The following REV3L variants were observed in gnomAD, a reference collection of about 807,000 sequenced individuals.
REV3L encodes REV3 like, DNA directed polymerase zeta catalytic subunit.
Under a neutral mutation model 299.4 loss-of-function variants are expected in REV3L, and 69 were observed. The ratio of observed to expected loss-of-function variants is 0.23; its 90% CI spans 0.19 to 0.28. The LOEUF (loss-of-function observed/expected upper bound fraction) is 0.28. Among genes scored for constraint, REV3L ranks in the 10% least tolerant of loss-of-function variants. The pLI is 1.00. For missense variants in REV3L, 3,128 were observed against 3,693.8 expected (o/e 0.85, Z 3.97); for synonymous variants, 1,238 against 1,271.4 (o/e 0.97, Z 0.56).
In REV3L at chr6:111,322,970, G is replaced by T. The variant is rs75555881; in HGVS notation, c.8242-292C>A. Among the ~76,000 whole-genome samples the T allele has an allele frequency of 4.6e-3, 691 of 151,606 alleles. 3 individuals carry two copies. Among genetic ancestry groups the T allele is most frequent in the African/African-American group, 0.016 (647 of 41,380 alleles). On this transcript the variant is annotated intron_variant, in intron 25 of 31. Coordinates refer to ENST00000368802, the MANE Select transcript of REV3L (RefSeq NM_001372078.1). The stretch of plus-strand genomic sequence containing the variant: ...ACTCAGCTACGTTGGATTCTTGGAA[G>T]AATAATCCTTCTTTATTCAAGAACT...
chr6:111,410,123 G>A (rs1407285166), intron 3 of REV3L, among the ~76,000 whole-genome samples: 1 of 152,108 alleles, frequency 6.6e-6, no homozygotes, highest in Non-Finnish European at 1.5e-5. Context: ...GAAGATCACT[G>A]GAGCCCAGGA....
At chr6:111,331,292 A>G (rs1490761937) in intron 24 of REV3L, among the ~76,000 whole-genome samples, 3 of 152,092 alleles carry the variant, frequency 2.0e-5, no homozygotes, top group African/African-American at 2.4e-5. Context: ...AAAATAATGT[A>G]GAAGAACAAC....
Position 111,373,732 on chromosome 6 carries a change from T to A in REV3L, c.4623A>T (p.Ala1541=). 6.2e-7 allele frequency: 1 copy of A among 1,613,948 alleles called. No individual in the cohort carries two copies. The highest frequency in any genetic ancestry group is 8.5e-7 in the Non-Finnish European group (1 of 1,179,972). The change falls in exon 13 of 32, where the codon GCA becomes GCT. Residue 1541 remains alanine, a synonymous_variant. Transcript: ENST00000368802. ...KELLQKRQQK[A]QNANTTQDPL... ...GGTCTTGTGTAGTATTTGCATTTTG[T>A]GCTTTCTGCTGTCTTTTTTGTAACA...
At chr6:111,476,003 C>T (rs1308828443) in intron 1 of REV3L, among the ~76,000 whole-genome samples, 1 of 152,186 alleles carries the variant, frequency 6.6e-6, no homozygotes, top group East Asian at 1.9e-4. Flanking sequence ...GATCCATTTT[C>T]ATATACAAGT....
At chr6:111,380,285 GCT>G (rs1354285282) in intron 10 of REV3L, 66 bp from the exon 11 acceptor site, 6 of 1,171,326 alleles carry the variant, frequency 5.1e-6, no homozygotes, top group Admixed American at 3.9e-5. Flanking sequence ...ACGGAGTCTT[GCT>G]CTCTCACCCA....
chr6:111,371,361 G>A (rs561110974), intron 13 of REV3L, among the ~76,000 whole-genome samples: 69 of 152,068 alleles, frequency 4.5e-4, no homozygotes, highest in Admixed American at 3.3e-3. Flanking sequence ...GTGTGTGTGC[G>A]TGCGCTCACA....
At position 111,376,485 on chromosome 6, in the gene REV3L, A is replaced by C. The variant is rs145125814; in HGVS notation, c.1870T>G (p.Ser624Ala). Reference sequence around the variant, plus strand: ...CTTAAAGATCCAGGGTATTTCATAGAATAAGTGCTTTCGTTTGTAAAAGAA... The same window carrying C: ...CTTAAAGATCCAGGGTATTTCATAGCATAAGTGCTTTCGTTTGTAAAAGAA... The part of the protein sequence containing the change: ...VTSFTNESTY[S>A]MKYPGSLSST... The change falls in exon 13 of 32, where the codon TCT becomes GCT. Residue 624 changes from serine to alanine, a missense_variant. By Grantham distance (99) the Ser-to-Ala change is moderately conservative. Transcript: ENST00000368802. The C allele has an allele frequency of 6.0e-4, 975 of 1,613,530 alleles. 10 individuals carry two copies. The highest frequency in any genetic ancestry group is 6.4e-5 in the Non-Finnish European group (75 of 1,179,834).
intron 1 of REV3L, among the ~76,000 whole-genome samples, chr6:111,427,655 A>G (rs189462221): frequency 3.3e-4 from 51 of 152,320 alleles, no homozygotes; most frequent in African/African-American, 1.2e-3. Context: ...GCATGCAGAA[A>G]ACTTTCCCAA....
chr6:111,413,595 G>A (rs1178506438), intron 2 of REV3L, among the ~76,000 whole-genome samples: 1 of 152,028 alleles, frequency 6.6e-6, no homozygotes, highest in Non-Finnish European at 1.5e-5. Context: ...GTAGCTAGAT[G>A]CAACTTTATG....
rs759424601 is a variant in REV3L at position 111,374,271 on chromosome 6, A to G, written c.4084T>C (p.Ser1362Pro). Reference protein sequence around the residue: ...TLIQKNIFDLSNHLSQVAQNT... With the variant: ...TLIQKNIFDLPNHLSQVAQNT... ...TGTGCTACCTGAGATAAATGATTGGAAAGGTCAAATATATTTTTTTGAATT... is the reference window on the plus strand; with the variant it reads ...TGTGCTACCTGAGATAAATGATTGGGAAGGTCAAATATATTTTTTTGAATT... The change falls in exon 13 of 32, where the codon TCC (serine) becomes CCC (proline). Residue 1362 changes from serine (S) to proline (P), a missense_variant. Physicochemically the swap from Ser to Pro is moderately conservative, Grantham distance 74. Transcript: ENST00000368802. 6.2e-7 allele frequency: 1 copy of G among 1,613,634 alleles called. No individual in the cohort carries two copies. The highest frequency in any genetic ancestry group is 1.1e-5 in the South Asian group (1 of 91,042).
At chr6:111,439,788 C>A (rs1031859044) in intron 1 of REV3L, among the ~76,000 whole-genome samples, 1 of 152,098 alleles carries the variant, frequency 6.6e-6, no homozygotes, top group South Asian at 2.1e-4. Context: ...AGGCAAAAAC[C>A]AATACATCTG....
chr6:111,369,940 G>A (rs969988014), intron 13 of REV3L, among the ~76,000 whole-genome samples: 15 of 151,716 alleles, frequency 9.9e-5, no homozygotes, highest in African/African-American at 2.9e-4. Context: ...TGGTTCAAGT[G>A]ATTCTCCTGC....
intron 11 of REV3L, 148 bp from the exon 12 acceptor site, chr6:111,377,991 A>T: frequency 3.4e-6 from 2 of 596,400 alleles, no homozygotes; most frequent in Non-Finnish European, 5.3e-6. Context: ...AACAATACAA[A>T]AAATCTGAAA....
intron 1 of REV3L, among the ~76,000 whole-genome samples, chr6:111,474,862 C>T (rs1260485357): frequency 6.6e-6 from 1 of 151,902 alleles, no homozygotes; most frequent in African/African-American, 2.4e-5. Context: ...AATTACCAAA[C>T]AGTATACTTT....
At chr6:111,327,913 A>G (rs1266849439) in intron 25 of REV3L, among the ~76,000 whole-genome samples, 2 of 152,150 alleles carry the variant, frequency 1.3e-5, no homozygotes, top group Non-Finnish European at 2.9e-5. Flanking sequence ...CATTTTGCCT[A>G]CTGTGAGCTG....
intron 1 of REV3L, among the ~76,000 whole-genome samples, chr6:111,439,957 T>G (rs1788052911): frequency 6.6e-6 from 1 of 152,194 alleles, no homozygotes; most frequent in Non-Finnish European, 1.5e-5. Flanking sequence ...CTCTTGCCAG[T>G]GGACTATGAT....
rs778731155 is a variant in REV3L at position 111,329,550 on chromosome 6, C to G, written c.8223G>C (p.Gly2741=). 3.1e-6 allele frequency: 5 copies of G among 1,613,926 alleles called. No individual in the cohort carries two copies. Among genetic ancestry groups the G allele is most frequent in the Non-Finnish European group, 4.2e-6 (5 of 1,180,000 alleles). Residue 2741 remains glycine (G), a synonymous_variant, in exon 25 of 32, where the codon GGG becomes GGC. Transcript: ENST00000368802. ...CACTTACCTCAATGCATGGCATTCTCCCAGAAAAATTAGCAGATGTATAGC... is the reference window on the plus strand; with the variant it reads ...CACTTACCTCAATGCATGGCATTCTGCCAGAAAAATTAGCAGATGTATAGC... ...TFGYTSANFS[G]RMPCIEVGDS...
At chr6:111,388,212 TA>T in intron 7 of REV3L, 127 bp from the exon 8 acceptor site, 1 of 627,958 alleles carries the variant, frequency 1.6e-6, no homozygotes, top group Admixed American at 3.0e-5. Context: ...TAATACAACC[TA>T]ACTGTAGTTT....
chr6:111,342,435 G>C (rs557867921), intron 21 of REV3L, among the ~76,000 whole-genome samples: 48 of 152,220 alleles, frequency 3.2e-4, no homozygotes, highest in Middle Eastern at 3.4e-3. Flanking sequence ...TTGGGAGGCC[G>C]AGGCGGGCGG....
Sources: gnomAD v4.1 joint callset for allele counts (sites outside exome capture counted in the v4.1 genomes callset) on GRCh38, gnomAD v4.1.1 for gene constraint, MANE v1.5 for transcripts, NCBI Gene and HGNC (gene_info 2026-07-23, HGNC 2026-07-21) for gene names.